The following ACMSD variants were observed in gnomAD, a reference collection of about 807,000 sequenced individuals.
The protein encoded by ACMSD is aminocarboxymuconate semialdehyde decarboxylase, also known as 2-amino-3-carboxymuconate-6-semialdehyde decarboxylase.
ACMSD carries 37 observed loss-of-function variants against 45.9 expected under a neutral mutation model. The ratio of observed to expected loss-of-function variants is 0.81; its 90% CI spans 0.62 to 1.06. ACMSD has a LOEUF of 1.06. ACMSD is among the 50% of genes least tolerant of loss of function. The pLI is 0.00. For synonymous variants in ACMSD, 138 were observed against 148.8 expected (o/e 0.93, Z 0.53); for missense variants, 434 against 420.9 (o/e 1.03, Z -0.27).
At chr2:134,871,656 T>C (rs1436263545) in intron 7 of ACMSD, among the ~76,000 whole-genome samples, 4 of 147,892 alleles carry the variant, frequency 2.7e-5, no homozygotes, top group South Asian at 2.2e-4. Context: ...CCATAGGTAG[T>C]TGAATTTGTG....
chr2:134,845,414 CA>C (rs1687003980), intron 2 of ACMSD, 137 bp downstream of exon 2: 2 of 859,216 alleles, frequency 2.3e-6, no homozygotes, highest in Non-Finnish European at 3.8e-6. Context: ...AAGGGAACAG[CA>C]CTGAGATTTC....
At position 134,863,439 on chromosome 2, in the gene ACMSD, C is replaced by T. The variant is rs989296669; in HGVS notation, c.294C>T (p.Asn98=). ...TAAACCTGTGCCAGCTTTTAAACAA[C>T]GACCTTGCCAGCACCGTTGTGAGCT... ...DTLNLCQLLN[N]DLASTVVSYP... Residue 98 remains asparagine (N), a synonymous_variant, in exon 5 of 10, where the codon AAC becomes AAT. Coordinates refer to ENST00000356140, the MANE Select transcript of ACMSD (RefSeq NM_138326.3). The T allele has an allele frequency of 9.3e-6, 15 of 1,614,240 alleles. No individual in the cohort carries two copies. The highest frequency in any genetic ancestry group is 6.6e-5 in the South Asian group (6 of 91,086).
intron 2 of ACMSD, among the ~76,000 whole-genome samples, chr2:134,852,278 A>C (rs1157612273): frequency 6.6e-6 from 1 of 152,080 alleles, no homozygotes; most frequent in Non-Finnish European, 1.5e-5. Context: ...TGAGATGGGG[A>C]TTTGTAAGTT....
intron 8 of ACMSD, among the ~76,000 whole-genome samples, chr2:134,891,332 C>T (rs1357257502): frequency 2.0e-5 from 3 of 151,946 alleles, no homozygotes; most frequent in Non-Finnish European, 2.9e-5. Flanking sequence ...GATAGGGGTC[C>T]GAGTTCATTC....
At chr2:134,886,115 C>A (rs796644473) in intron 8 of ACMSD, among the ~76,000 whole-genome samples, 1 of 151,934 alleles carries the variant, frequency 6.6e-6, no homozygotes, top group African/African-American at 2.4e-5. Flanking sequence ...GACTGGAATT[C>A]CAGGAATAGG....
chr2:134,886,077 A>C (rs1367642186), intron 8 of ACMSD, among the ~76,000 whole-genome samples: 1 of 152,070 alleles, frequency 6.6e-6, no homozygotes, highest in Non-Finnish European at 1.5e-5. Context: ...CATTTTCTCC[A>C]CTATTTAGTA....
intron 8 of ACMSD, among the ~76,000 whole-genome samples, chr2:134,889,588 T>G (rs945910751): frequency 6.6e-6 from 1 of 152,156 alleles, no homozygotes; most frequent in Non-Finnish European, 1.5e-5. Context: ...AATAATACAG[T>G]ATAACAATTG....
intron 8 of ACMSD, among the ~76,000 whole-genome samples, chr2:134,874,323 T>C (rs557590892): frequency 6.6e-6 from 1 of 152,346 alleles, no homozygotes; most frequent in Non-Finnish European, 1.5e-5. Context: ...TTATGTGATC[T>C]CACAGGCAGG....
chr2:134,862,983 C>T (rs1287059989), intron 4 of ACMSD: 2 of 985,460 alleles, frequency 2.0e-6, no homozygotes, highest in Non-Finnish European at 2.4e-6. Flanking sequence ...CCTGGCGGCC[C>T]TCAATGGGGC....
At position 134,838,629 on chromosome 2, in the gene ACMSD, A is replaced by C. The variant is rs189203003; in HGVS notation, c.-54A>C. 52 of 1,480,046 alleles carry C rather than the reference A, an allele frequency of 3.5e-5. No homozygotes were observed. The African/African-American group carries it at 7.0e-4, about 20-fold the overall frequency. 91.7% of individuals were successfully genotyped at this position (1,480,046 alleles called of 1,614,324 possible). ...TCAATTAACTCCACAGTTTTCACAAAGGTCTCTTGATATCAAAACTTCTTT... is the reference window on the plus strand; with the variant it reads ...TCAATTAACTCCACAGTTTTCACAACGGTCTCTTGATATCAAAACTTCTTT... On this transcript the variant is annotated 5_prime_UTR_variant, in exon 1 of 10. Coordinates refer to ENST00000356140, the MANE Select transcript of ACMSD (RefSeq NM_138326.3).
At chr2:134,885,940 G>A (rs550317679) in intron 8 of ACMSD, among the ~76,000 whole-genome samples, 6 of 152,190 alleles carry the variant, frequency 3.9e-5, no homozygotes, top group South Asian at 2.1e-4. Flanking sequence ...ACAAAGGTTC[G>A]GGACCCCTTT....
At chr2:134,872,814 G>C in intron 8 of ACMSD, 173 bp downstream of exon 8, 2 of 686,920 alleles carry the variant, frequency 2.9e-6, no homozygotes, top group Non-Finnish European at 4.9e-6. Flanking sequence ...ATTCTCTCCA[G>C]GGTCTCCCTC....
chr2:134,885,268 A>AAT (rs1336979002), intron 8 of ACMSD, among the ~76,000 whole-genome samples: 4 of 79,056 alleles, frequency 5.1e-5, no homozygotes, highest in Admixed American at 2.3e-4. Context: ...TATATATATA[A>AAT]ATATATATAT....
At chr2:134,839,978 A>C (rs373680818) in intron 1 of ACMSD, among the ~76,000 whole-genome samples, 1 of 151,888 alleles carries the variant, frequency 6.6e-6, no homozygotes, top group Non-Finnish European at 1.5e-5. Context: ...AGTTTCTTAC[A>C]TCTTATGGCG....
chr2:134,847,752 T>C (rs536715382), intron 2 of ACMSD, among the ~76,000 whole-genome samples: 1 of 152,318 alleles, frequency 6.6e-6, no homozygotes, highest in East Asian at 1.9e-4. Context: ...AATGATGGTT[T>C]CCAGCTTCAT....
intron 8 of ACMSD, among the ~76,000 whole-genome samples, chr2:134,874,844 G>A (rs1415795056): frequency 6.6e-6 from 1 of 152,110 alleles, no homozygotes; most frequent in Non-Finnish European, 1.5e-5. Flanking sequence ...TAAGAAAATA[G>A]AGTAAGAAAG....
At chr2:134,846,009 A>C (rs1255945987) in intron 2 of ACMSD, among the ~76,000 whole-genome samples, 1 of 152,176 alleles carries the variant, frequency 6.6e-6, no homozygotes, top group Admixed American at 6.5e-5. Flanking sequence ...TGCAGCATGG[A>C]AAGGTTAGGA....
chr2:134,883,004 C>T (rs1204320280), intron 8 of ACMSD, among the ~76,000 whole-genome samples: 2 of 152,130 alleles, frequency 1.3e-5, no homozygotes, highest in Non-Finnish European at 2.9e-5. Context: ...TATGTTGGAG[C>T]AAAGTGTTGA....
chr2:134,885,074 T>C (rs1689245796), intron 8 of ACMSD, among the ~76,000 whole-genome samples: 1 of 150,192 alleles, frequency 6.7e-6, no homozygotes, highest in Non-Finnish European at 1.5e-5. Context: ...TGCACACCTG[T>C]AGTCCCAGCT....
Sources: gnomAD v4.1 joint callset for allele counts (sites outside exome capture counted in the v4.1 genomes callset) on GRCh38, gnomAD v4.1.1 for gene constraint, MANE v1.5 for transcripts, NCBI Gene and HGNC (gene_info 2026-07-23, HGNC 2026-07-21) for gene names.